The following TBCE variants were observed in gnomAD, a reference collection of about 807,000 sequenced individuals.
TBCE encodes the protein tubulin folding cofactor E.
In TBCE, 53 loss-of-function variants were observed where a neutral mutation model predicts 77.0. The observed-to-expected ratio is 0.69, with a 90% CI of 0.55 to 0.87. The LOEUF (loss-of-function observed/expected upper bound fraction) is 0.87. Among genes scored for constraint, TBCE ranks in the 40% least tolerant of loss-of-function variants. The probability of loss-of-function intolerance (pLI) is 0.00; values close to 1 mark genes in which losing one functional copy is unlikely to be tolerated. For synonymous variants in TBCE, 235 were observed against 241.3 expected, an observed-to-expected ratio of 0.97 and a Z score of 0.24; for missense variants, 624 against 622.4, an observed-to-expected ratio of 1.00 and a Z score of -0.03.
At chr1:235,400,670 G>A (rs1679046251) in intron 2 of TBCE, among the ~76,000 whole-genome samples, 2 of 151,326 alleles carry the variant, frequency 1.3e-5, no homozygotes, top group South Asian at 4.2e-4. Flanking sequence ...AAAGTGCTGG[G>A]GTTACAGGCG....
intron 4 of TBCE, among the ~76,000 whole-genome samples, chr1:235,416,381 C>G (rs1299363381): frequency 6.6e-6 from 1 of 151,878 alleles, no homozygotes. Flanking sequence ...CAAAAATTAG[C>G]TGGGTGTAGT....
intron 9 of TBCE, 132 bp downstream of exon 9, chr1:235,435,972 T>C (rs1339863369): frequency 1.2e-6 from 1 of 843,990 alleles, no homozygotes; most frequent in Non-Finnish European, 1.9e-6. Context: ...AGTAATTCCC[T>C]TTGGGAAATT....
chr1:235,419,574 C>T lies in TBCE; in HGVS notation c.460+13C>T, dbSNP rs201298957. 7 of 1,613,928 alleles carry T rather than the reference C, an allele frequency of 4.3e-6. No homozygotes were observed. The highest frequency in any genetic ancestry group is 4.5e-5 in the East Asian group (2 of 44,878). ...GAAGCATGTCCTAGTATCCTTTTCA[C>T]CGAGAGCTTGTTATTGGAATCTGAC... is the stretch of plus-strand genomic sequence containing the variant. On this transcript the variant is annotated intron_variant, in intron 5 of 16. Coordinates refer to ENST00000642610, the MANE Select transcript of TBCE (RefSeq NM_003193.5).
At chr1:235,440,482 T>G (rs1329723432) in intron 13 of TBCE, among the ~76,000 whole-genome samples, 1 of 152,004 alleles carries the variant, frequency 6.6e-6, no homozygotes, top group Non-Finnish European at 1.5e-5. Flanking sequence ...AACCTCTACC[T>G]CCTGGGTTCA....
rs770208119 is a variant in TBCE, at chr1:235,438,941, G to T, written c.1270+19G>T. ...TGCCTGAGTACGTGCGTATACACTG[G>T]TGGCCTTCAGGTGGTGGATTTCCAG... On this transcript the variant is annotated intron_variant, in intron 13 of 16. Coordinates refer to ENST00000642610, the MANE Select transcript of TBCE (RefSeq NM_003193.5). The T allele has an allele frequency of 6.2e-7, 1 of 1,614,148 alleles. No individual in the cohort carries two copies. The highest frequency in any genetic ancestry group is 1.7e-5 in the Admixed American group (1 of 60,010).
intron 7 of TBCE, among the ~76,000 whole-genome samples, chr1:235,432,392 C>G (rs973822185): frequency 6.6e-6 from 1 of 152,206 alleles, no homozygotes; most frequent in African/African-American, 2.4e-5. Flanking sequence ...CCCTTGTGCC[C>G]TTAATATGCC....
At chr1:235,422,766 T>G (rs1245306108) in intron 5 of TBCE, among the ~76,000 whole-genome samples, 2 of 152,008 alleles carry the variant, frequency 1.3e-5, no homozygotes, top group East Asian at 3.9e-4. Flanking sequence ...GAGGCAGAGG[T>G]TGCAGTGAGC....
Position 235,414,500 on chromosome 1 carries a change from A to G in TBCE, c.253A>G (p.Ile85Val), listed in dbSNP as rs143886167. The G allele has an allele frequency of 6.5e-4, 1,045 of 1,613,842 alleles. 4 individuals carry two copies. Among genetic ancestry groups the G allele is most frequent in the Non-Finnish European group, 5.6e-4 (659 of 1,180,000 alleles). ...VNFGTDFLTA[I>V]KNRYVLEDGP... Reference sequence around the variant, plus strand: ...TTTTGGAACAGACTTTCTTACTGCAATTAAGAACCGCTATGTGTTAGAAGA... The same window carrying G: ...TTTTGGAACAGACTTTCTTACTGCAGTTAAGAACCGCTATGTGTTAGAAGA... The change falls in exon 4 of 17, where the codon ATT (isoleucine) becomes GTT (valine). Residue 85 changes from isoleucine to valine, a missense_variant. Transcript: ENST00000642610.
chr1:235,371,633 C>T (rs1294634703), intron 1 of TBCE, among the ~76,000 whole-genome samples: 13 of 151,996 alleles, frequency 8.6e-5, no homozygotes, highest in Admixed American at 8.5e-4. Flanking sequence ...ACCTCTGCCT[C>T]CCAAAGTGTT....
In TBCE at chr1:235,435,770, A is replaced by G. The variant is rs1348861530; in HGVS notation, c.763A>G (p.Lys255Glu). The change falls in exon 9 of 17, where the codon AAG becomes GAG. Residue 255 changes from lysine (K) to glutamate (E), a missense_variant. Physicochemically the swap from Lys to Glu is moderately conservative, Grantham distance 56. Coordinates refer to ENST00000642610, the MANE Select transcript of TBCE (RefSeq NM_003193.5). Reference sequence around the variant, plus strand: ...GCCAACAGATGTTCTCCAGACAGTCAAGTTATTAGATCTTTCCTCTAATCA... The same window carrying G: ...GCCAACAGATGTTCTCCAGACAGTCGAGTTATTAGATCTTTCCTCTAATCA... ...ERPTDVLQTV[K>E]LLDLSSNQLI... 1.2e-6 allele frequency: 2 copies of G among 1,614,054 alleles called. No homozygotes were observed. The highest frequency in any genetic ancestry group is 1.7e-6 in the Non-Finnish European group (2 of 1,180,010).
At position 235,448,862 on chromosome 1, in the gene TBCE, G is replaced by T; in HGVS notation, c.*100G>T. The T allele has an allele frequency of 1.1e-6, 1 of 929,626 alleles. No individual in the cohort carries two copies. The highest frequency in any genetic ancestry group is 1.7e-6 in the Non-Finnish European group (1 of 582,854). The allele number at this position is 929,626 out of a possible 1,614,324, so 57.6% of individuals were successfully genotyped here. ...AACAATTCTACTGTCAAAACAAAGG[G>T]GGTTTACAACTTGTCCTAAGTATAA... On this transcript the variant is annotated 3_prime_UTR_variant, in exon 17 of 17. Transcript: ENST00000642610.
chr1:235,380,641 A>G (rs1486078556), intron 2 of TBCE, among the ~76,000 whole-genome samples: 2 of 149,898 alleles, frequency 1.3e-5, no homozygotes, highest in Non-Finnish European at 3.0e-5. Context: ...TCTTTTTTTG[A>G]TTTTGCGTAT....
At chr1:235,427,401 AT>A (rs1422114656) in intron 6 of TBCE, among the ~76,000 whole-genome samples, 162 bp downstream of exon 6, 1 of 152,228 alleles carries the variant, frequency 6.6e-6, no homozygotes, top group African/African-American at 2.4e-5. Context: ...TAGTGAGGGT[AT>A]GGAAGTCCTC....
intron 5 of TBCE, among the ~76,000 whole-genome samples, chr1:235,423,048 C>T (rs562389095): frequency 6.6e-6 from 1 of 152,276 alleles, no homozygotes; most frequent in African/African-American, 2.4e-5. Context: ...CTTGCAGCTC[C>T]CGATTGAATT....
At chr1:235,445,804 T>C (rs1289372117) in intron 15 of TBCE, among the ~76,000 whole-genome samples, 1 of 152,192 alleles carries the variant, frequency 6.6e-6, no homozygotes, top group Non-Finnish European at 1.5e-5. Context: ...CCAAGCATTG[T>C]ATCTTGCAGC....
intron 1 of TBCE, among the ~76,000 whole-genome samples, chr1:235,376,040 T>C (rs2016437): frequency 6.6e-6 from 1 of 151,898 alleles, no homozygotes; most frequent in African/African-American, 2.4e-5. Context: ...AGCGAGACTC[T>C]TCTCAAAACA....
intron 4 of TBCE, among the ~76,000 whole-genome samples, chr1:235,417,100 G>A (rs187294628): frequency 3.9e-5 from 6 of 152,202 alleles, no homozygotes; most frequent in East Asian, 3.9e-4. Context: ...CTTTGAGATC[G>A]TACCACTAAG....
chr1:235,450,650 G>A lies in TBCE; in HGVS notation c.*1888G>A. On this transcript the variant is annotated 3_prime_UTR_variant, in exon 17 of 17. Coordinates refer to ENST00000642610, the MANE Select transcript of TBCE (RefSeq NM_003193.5). Reference sequence around the variant, plus strand: ...AGTGAGTTTCATGTTTGCTAGTAAAGGTGTGTCTATGGCAGTATTAGTAAC... The same window carrying A: ...AGTGAGTTTCATGTTTGCTAGTAAAAGTGTGTCTATGGCAGTATTAGTAAC... The A allele has an allele frequency of 3.0e-6, 1 of 331,098 alleles. No individual in the cohort carries two copies. The highest frequency in any genetic ancestry group is 5.8e-6 in the Non-Finnish European group (1 of 172,062). The allele number at this position is 331,098 out of a possible 1,614,324, so 20.5% of individuals were successfully genotyped here. A position where few individuals can be genotyped will look rare whatever the true frequency, so the allele number is the denominator to read the frequency against.
At chr1:235,425,638 G>A (rs929318683) in intron 5 of TBCE, among the ~76,000 whole-genome samples, 4 of 152,138 alleles carry the variant, frequency 2.6e-5, no homozygotes, top group Non-Finnish European at 5.9e-5. Flanking sequence ...ACTTTGAAGT[G>A]GCCTGCAAGG....
Sources: gnomAD v4.1 joint callset for allele counts (sites outside exome capture counted in the v4.1 genomes callset) on GRCh38, gnomAD v4.1.1 for gene constraint, MANE v1.5 for transcripts, NCBI Gene and HGNC (gene_info 2026-07-23, HGNC 2026-07-21) for gene names.